FOCAD: variants seen among roughly 807,000 people sequenced by gnomAD.
FOCAD encodes focadhesin.
In FOCAD, 198 loss-of-function variants were observed where a neutral mutation model predicts 225.6. The ratio of observed to expected loss-of-function variants is 0.88; its 90% confidence interval spans 0.78 to 0.99. The LOEUF is 0.99. Among genes scored for constraint, FOCAD ranks in the 50% least tolerant of loss-of-function variants. The pLI, the probability that FOCAD is intolerant of heterozygous loss-of-function variation, is 0.00. For missense variants in FOCAD, 2,713 were observed against 2,123.6 expected, an observed-to-expected ratio of 1.28 and a Z score of -5.46; for synonymous variants, 897 against 755.0, an observed-to-expected ratio of 1.19 and a Z score of -3.08.
In FOCAD at chr9:20,979,591, A is replaced by G. The variant is rs530611487; in HGVS notation, c.4377+1137A>G. Among the ~76,000 whole-genome samples the G allele has an allele frequency of 9.2e-5, 14 of 152,234 alleles. No individual in the cohort carries two copies. In the East Asian group the frequency reaches 1.2e-3, roughly 13 times the overall value. The stretch of plus-strand genomic sequence containing the variant: ...TGACCTCAAGTGATCTGCCCACCTC[A>G]GTCTCCCAAAGTGCTGGGATTACAG... On this transcript the variant is annotated intron_variant, in intron 37 of 43. Transcript: ENST00000338382.
At chr9:20,685,670 T>G (rs1043778913) in intron 1 of FOCAD, among the ~76,000 whole-genome samples, 2 of 152,222 alleles carry the variant, frequency 1.3e-5, no homozygotes, top group African/African-American at 4.8e-5. Flanking sequence ...TTTTATAGAT[T>G]AGTGGAAGCT....
chr9:20,822,151 G>A (rs1824401842), intron 14 of FOCAD, among the ~76,000 whole-genome samples: 1 of 151,896 alleles, frequency 6.6e-6, no homozygotes, highest in Admixed American at 6.6e-5. Context: ...CTGAGGCTCA[G>A]GATAGACTGA....
chr9:20,806,832 T>G (rs1346018434), intron 11 of FOCAD, among the ~76,000 whole-genome samples: 1 of 152,212 alleles, frequency 6.6e-6, no homozygotes, highest in East Asian at 1.9e-4. Flanking sequence ...ATATTTTGGT[T>G]GCACTAACCT....
intron 2 of FOCAD, among the ~76,000 whole-genome samples, chr9:20,675,662 T>G (rs932253706): frequency 6.6e-6 from 1 of 152,204 alleles, no homozygotes; most frequent in Non-Finnish European, 1.5e-5. Context: ...AGAAAGCTGT[T>G]TACTGATGAT....
In FOCAD at chr9:20,926,383, A is replaced by G. The variant is rs373494956; in HGVS notation, c.3044A>G (p.Gln1015Arg). The G allele has an allele frequency of 1.2e-5, 20 of 1,612,450 alleles. No homozygotes were observed. Among genetic ancestry groups the G allele is most frequent in the Non-Finnish European group, 1.7e-5 (20 of 1,178,472 alleles). Residue 1015 changes from glutamine to arginine, a missense_variant, in exon 26 of 44, where the codon CAA becomes CGA. Gln to Arg is a conservative substitution (Grantham distance 43, BLOSUM62 1). Transcript: ENST00000338382. ...TLLVIVDSHY[Q>R]PRGQLLSWFY... ...TTGGTCATTGTGGATAGCCATTACC[A>G]ACCCAGAGGGCAACTTCTCTCCTGG... is the stretch of plus-strand genomic sequence containing the variant.
intron 2 of FOCAD, among the ~76,000 whole-genome samples, chr9:20,672,889 T>C (rs536201942): frequency 6.6e-6 from 1 of 152,384 alleles, no homozygotes; most frequent in Non-Finnish European, 1.5e-5. Context: ...TTTAAATCTA[T>C]TTACAAGTTG....
intron 2 of FOCAD, among the ~76,000 whole-genome samples, chr9:20,667,719 C>T (rs953472613): frequency 2.0e-5 from 3 of 152,140 alleles, no homozygotes; most frequent in African/African-American, 7.2e-5. Context: ...AGGAATAATA[C>T]TGCTTCATGG....
chr9:20,916,283 T>C lies in FOCAD; in HGVS notation c.2808-610T>C, dbSNP rs1446469402. On this transcript the variant is annotated intron_variant, in intron 23 of 43. Coordinates refer to ENST00000338382, the MANE Select transcript of FOCAD (RefSeq NM_001375567.1). Reference sequence around the variant, plus strand: ...ATTCTATATTGAATTAAAAATTAGGTTCTGTAAATATTTGAATTGTGCCTA... The same window carrying C: ...ATTCTATATTGAATTAAAAATTAGGCTCTGTAAATATTTGAATTGTGCCTA... 2.0e-5 allele frequency among the ~76,000 whole-genome samples: 3 copies of C among 152,168 alleles called. No individual in the cohort carries two copies. In the East Asian group the frequency reaches 5.8e-4, roughly 29 times the overall value.
At chr9:20,889,232 A>G (rs1016082875) in intron 21 of FOCAD, among the ~76,000 whole-genome samples, 1 of 152,118 alleles carries the variant, frequency 6.6e-6, no homozygotes, top group African/African-American at 2.4e-5. Flanking sequence ...CATACAATAC[A>G]TGGTTTTTAA....
At chr9:20,980,033 C>T (rs1157003917) in intron 37 of FOCAD, among the ~76,000 whole-genome samples, 1 of 152,060 alleles carries the variant, frequency 6.6e-6, no homozygotes, top group Non-Finnish European at 1.5e-5. Flanking sequence ...TGTAGTCATT[C>T]CCCACTCCCA....
At chr9:20,691,581 A>T (rs1486138598) in intron 1 of FOCAD, among the ~76,000 whole-genome samples, 1 of 151,740 alleles carries the variant, frequency 6.6e-6, no homozygotes, top group Non-Finnish European at 1.5e-5. Context: ...TCCCGGGTTC[A>T]CGCCATTCTC....
rs369638706 is a variant in FOCAD, at chr9:20,767,882, G to A, written c.700-2150G>A. Among the ~76,000 whole-genome samples the A allele has an allele frequency of 1.7e-3, 255 of 151,718 alleles. 2 individuals carry two copies. The highest frequency in any genetic ancestry group is 4.0e-3 in the Admixed American group (61 of 15,222). On this transcript the variant is annotated intron_variant, in intron 7 of 43. Transcript: ENST00000338382. ...TTGTTGCCATTGCTGTTGGTGTTTTGGACATGAAGTCCTTGCCCATGCCTA... is the reference window on the plus strand; with the variant it reads ...TTGTTGCCATTGCTGTTGGTGTTTTAGACATGAAGTCCTTGCCCATGCCTA...
intron 1 of FOCAD, among the ~76,000 whole-genome samples, chr9:20,699,424 T>G (rs1448170413): frequency 2.6e-5 from 4 of 151,876 alleles, no homozygotes; most frequent in Non-Finnish European, 5.9e-5. Flanking sequence ...ATATACTAGT[T>G]TTAACATTTG....
intron 11 of FOCAD, among the ~76,000 whole-genome samples, chr9:20,811,171 C>T (rs117950238): frequency 0.026 from 3,927 of 152,084 alleles, 61 homozygotes; most frequent in Middle Eastern, 0.041. Flanking sequence ...ACTCTAAAAG[C>T]ATTTACAGTG....
chr9:20,679,121 ATGTGTGTGTGTGTGTGTGTGTGTGTGTG>A (rs539231126), intron 2 of FOCAD, among the ~76,000 whole-genome samples: 15 of 122,042 alleles, frequency 1.2e-4, no homozygotes, highest in Middle Eastern at 8.1e-3. Flanking sequence ...CAGTCTGTGT[ATGTGTGTGTGTGTGTGTGTGTGTGTGTG>A]TGTGTGTGTG....
At position 20,862,821 on chromosome 9, in the gene FOCAD, C is replaced by T. The variant is rs1490805402; in HGVS notation, c.2055+109C>T. The T allele has an allele frequency of 2.3e-6, 3 of 1,280,928 alleles. No individual in the cohort carries two copies. In the East Asian group the frequency reaches 7.2e-5, roughly 31 times the overall value. The allele number at this position is 1,280,928 out of a possible 1,614,324, so 79.3% of individuals were successfully genotyped here. ...ATCTGTTGTTGTTGTTGTTGTTGTT[C>T]TGAGACCATGTTGATATGTTTATGG... is the stretch of plus-strand genomic sequence containing the variant. On this transcript the variant is annotated intron_variant, in intron 16 of 43. Transcript: ENST00000338382.
At chr9:20,693,216 G>T (rs1823082367) in intron 1 of FOCAD, among the ~76,000 whole-genome samples, 1 of 152,120 alleles carries the variant, frequency 6.6e-6, no homozygotes, top group South Asian at 2.1e-4. Flanking sequence ...CTGTTCTTCA[G>T]ACATCTGAGG....
At chr9:20,991,230 C>G (rs1418025878) in intron 42 of FOCAD, among the ~76,000 whole-genome samples, 1 of 152,170 alleles carries the variant, frequency 6.6e-6, no homozygotes, top group Non-Finnish European at 1.5e-5. Context: ...TACTGTACTT[C>G]TCATTATATG....
chr9:20,870,771 A>G (rs146783007), intron 18 of FOCAD, among the ~76,000 whole-genome samples: 1 of 152,354 alleles, frequency 6.6e-6, no homozygotes, highest in East Asian at 1.9e-4. Flanking sequence ...ATGTTAGGCT[A>G]AGCTATGATG....
Sources: allele counts gnomAD v4.1 joint callset (sites outside exome capture counted in the v4.1 genomes callset), GRCh38; gene constraint gnomAD v4.1.1; transcripts MANE v1.5; gene names NCBI Gene and HGNC (gene_info 2026-07-23, HGNC 2026-07-21).